Variants in GPC6 observed in about 807,000 individuals in gnomAD.
GPC6 encodes glypican 6, also known as glypican-6.
In GPC6, 14 loss-of-function variants were observed where a neutral mutation model predicts 55.2. The ratio of observed to expected loss-of-function variants is 0.25; its 90% CI spans 0.17 to 0.40. The LOEUF (loss-of-function observed/expected upper bound fraction) is 0.40. GPC6 is among the 10% of genes least tolerant of loss of function. GPC6 has a pLI of 1.00. For missense variants in GPC6, 641 were observed against 708.5 expected, an observed-to-expected ratio of 0.90 and a Z score of 1.08; for synonymous variants, 278 against 259.6, an observed-to-expected ratio of 1.07 and a Z score of -0.68.
intron 1 of GPC6, among the ~76,000 whole-genome samples, chr13:93,523,040 T>C (rs1037893931): frequency 1.3e-5 from 2 of 149,998 alleles, no homozygotes; most frequent in South Asian, 2.1e-4. Flanking sequence ...TACAAATACA[T>C]ACACACACAC....
chr13:94,244,285 A>C (rs1227256417), intron 4 of GPC6, among the ~76,000 whole-genome samples: 3 of 152,148 alleles, frequency 2.0e-5, no homozygotes, highest in Non-Finnish European at 4.4e-5. Flanking sequence ...TTATGTCCGC[A>C]TTATTTTGAT....
At chr13:94,231,881 A>C (rs1258135291) in intron 4 of GPC6, among the ~76,000 whole-genome samples, 1 of 152,180 alleles carries the variant, frequency 6.6e-6, no homozygotes, top group Non-Finnish European at 1.5e-5. Context: ...GCTTCGTTTT[A>C]ATAAAAATTT....
chr13:94,322,085 C>T (rs1002206610), intron 6 of GPC6, among the ~76,000 whole-genome samples: 3 of 152,088 alleles, frequency 2.0e-5, no homozygotes, highest in East Asian at 1.9e-4. Flanking sequence ...ATAATTCCCA[C>T]GTGTTGTGGG....
chr13:94,380,937 T>C lies in GPC6; in HGVS notation c.1153-1477T>C, dbSNP rs964114928. On this transcript the variant is annotated intron_variant, in intron 6 of 8. Coordinates refer to ENST00000377047, the MANE Select transcript of GPC6 (RefSeq NM_005708.5). ...TTGATGAGTAGAGGCCAGCTGGTTT[T>C]CAGAATGCCCCTGAGTTTCGGTTTG... Among the ~76,000 whole-genome samples the C allele has an allele frequency of 3.8e-4, 58 of 152,192 alleles. 1 individual carries two copies. The highest frequency in any genetic ancestry group is 1.5e-5 in the Non-Finnish European group (1 of 68,042).
At chr13:93,685,781 G>C (rs1235046483) in intron 2 of GPC6, among the ~76,000 whole-genome samples, 1 of 152,130 alleles carries the variant, frequency 6.6e-6, no homozygotes, top group Non-Finnish European at 1.5e-5. Context: ...AGTTAAGGGG[G>C]CATGTTATAT....
rs1237141609 is a variant in GPC6 at position 94,063,154 on chromosome 13, G to T, written c.877+35260G>T. On this transcript the variant is annotated intron_variant, in intron 4 of 8. Coordinates refer to ENST00000377047, the MANE Select transcript of GPC6 (RefSeq NM_005708.5). Reference sequence around the variant, plus strand: ...AGACCTTCACTGACTCTTCCAGCTTGCCAGAACAATTGTGAGTGAGACATC... The same window carrying T: ...AGACCTTCACTGACTCTTCCAGCTTTCCAGAACAATTGTGAGTGAGACATC... Among the ~76,000 whole-genome samples, 4 of 152,120 alleles carry T rather than the reference G, an allele frequency of 2.6e-5. No individual in the cohort carries two copies. The East Asian group carries it at 7.7e-4, about 29-fold the overall frequency.
intron 3 of GPC6, among the ~76,000 whole-genome samples, chr13:93,903,562 C>T (rs763989824): frequency 7.9e-5 from 12 of 152,098 alleles, no homozygotes; most frequent in Non-Finnish European, 1.8e-4. Context: ...GTAGCATAAA[C>T]TTTAAGAGCA....
chr13:93,552,288 T>C (rs1167383507), intron 2 of GPC6, among the ~76,000 whole-genome samples: 9 of 152,200 alleles, frequency 5.9e-5, no homozygotes, highest in African/African-American at 2.2e-4. Context: ...ATTTTGGCTT[T>C]GACAGAGCTA....
the GPC6 span, among the ~76,000 whole-genome samples, chr13:93,218,378 A>G: frequency 6.6e-6 from 1 of 152,218 alleles, no homozygotes; most frequent in African/African-American, 2.4e-5. Context: ...TGTCAGCCTT[A>G]CATGTTTGAT....
chr13:93,234,495 A>G (rs980526916), intron 1 of GPC6, among the ~76,000 whole-genome samples: 3 of 152,110 alleles, frequency 2.0e-5, no homozygotes, highest in Admixed American at 1.3e-4. Context: ...CTCTATAGAG[A>G]AAGGATTGAG....
At chr13:94,012,538 G>A (rs1363959822) in intron 3 of GPC6, among the ~76,000 whole-genome samples, 2 of 152,176 alleles carry the variant, frequency 1.3e-5, no homozygotes, top group Non-Finnish European at 2.9e-5. Flanking sequence ...ATAAACAATA[G>A]CAACACAAAC....
chr13:93,659,748 T>C (rs1423772805), intron 2 of GPC6, among the ~76,000 whole-genome samples: 1 of 152,040 alleles, frequency 6.6e-6, no homozygotes, highest in East Asian at 1.9e-4. Context: ...TTGACCATGG[T>C]CTCTAACCTG....
intron 1 of GPC6, among the ~76,000 whole-genome samples, chr13:93,276,507 T>A (rs889448154): frequency 6.6e-4 from 94 of 142,572 alleles, no homozygotes; most frequent in Admixed American, 2.8e-3. Flanking sequence ...TGTGTGTGTG[T>A]GTGTGTGTGT....
chr13:93,450,547 T>G (rs1392854981), intron 1 of GPC6, among the ~76,000 whole-genome samples: 3 of 152,190 alleles, frequency 2.0e-5, no homozygotes, highest in Non-Finnish European at 2.9e-5. Context: ...ACAATACCAC[T>G]CTCTTCTTTG....
chr13:93,652,384 C>T (rs1208315269), intron 2 of GPC6, among the ~76,000 whole-genome samples: 1 of 152,194 alleles, frequency 6.6e-6, no homozygotes, highest in Non-Finnish European at 1.5e-5. Context: ...ACTCTGCCCC[C>T]TGCCCTGTCA....
chr13:93,351,011 G>A (rs1205257556), intron 1 of GPC6, among the ~76,000 whole-genome samples: 1 of 151,968 alleles, frequency 6.6e-6, no homozygotes. Context: ...TTTGAATCAG[G>A]AACTTCTTTT....
At chr13:93,252,581 T>C (rs977252173) in intron 1 of GPC6, among the ~76,000 whole-genome samples, 2 of 152,226 alleles carry the variant, frequency 1.3e-5, no homozygotes, top group Non-Finnish European at 2.9e-5. Context: ...TTTGCCAAGC[T>C]TGTATAGTGT....
chr13:93,858,347 G>C (rs1337921230), intron 3 of GPC6, among the ~76,000 whole-genome samples: 2 of 151,532 alleles, frequency 1.3e-5, no homozygotes, highest in African/African-American at 4.8e-5. Context: ...TATATGTGGG[G>C]TCTATTAGTT....
intron 4 of GPC6, among the ~76,000 whole-genome samples, chr13:94,246,995 A>G (rs1360786340): frequency 6.6e-6 from 1 of 152,062 alleles, no homozygotes; most frequent in Non-Finnish European, 1.5e-5. Flanking sequence ...TGAGCATCGA[A>G]TATCTTTTCA....
Sources: gnomAD v4.1 joint callset for allele counts (sites outside exome capture counted in the v4.1 genomes callset) on GRCh38, gnomAD v4.1.1 for gene constraint, MANE v1.5 for transcripts, NCBI Gene and HGNC (gene_info 2026-07-23, HGNC 2026-07-21) for gene names.